KIRREL3: variants seen among roughly 807,000 people sequenced by gnomAD.
The protein encoded by KIRREL3 is kirre like nephrin family adhesion molecule 3, also known as kin of IRRE-like protein 3.
Under a neutral mutation model 89.7 loss-of-function variants are expected in KIRREL3, and 36 were observed. The ratio of observed to expected loss-of-function variants is 0.40; its 90% CI spans 0.31 to 0.53. KIRREL3 has a LOEUF of 0.53. Ranked by LOEUF, KIRREL3 falls within the 20% of genes least tolerant of loss-of-function variation. The pLI, the probability that KIRREL3 is intolerant of heterozygous loss-of-function variation, is 0.49. For missense variants in KIRREL3, 864 were observed against 1,056.6 expected, an observed-to-expected ratio of 0.82 and a Z score of 2.53; for synonymous variants, 445 against 441.4, an observed-to-expected ratio of 1.01 and a Z score of -0.10.
Position 126,876,595 on chromosome 11 carries a change from C to A in KIRREL3, c.55+123860G>T, listed in dbSNP as rs138557206. ...CTCTGTCACCCAGGCTGGAGTGCAG[C>A]GGTGCGACCTTGGCCCACTGCAACC... On this transcript the variant is annotated intron_variant, in intron 1 of 16. Transcript: ENST00000525144. The surrounding 1 kb of genome is among the most constrained non-coding windows in gnomAD (Gnocchi z 4.1). 6.7e-6 allele frequency among the ~76,000 whole-genome samples: 1 copy of A among 149,252 alleles called. No homozygotes were observed. Among genetic ancestry groups the A allele is most frequent in the Non-Finnish European group, 1.5e-5 (1 of 67,704 alleles).
chr11:126,935,908 C>T (rs1394467566), intron 1 of KIRREL3: 2 of 152,048 alleles, frequency 1.3e-5, no homozygotes, highest in African/African-American at 4.8e-5. Flanking sequence ...AATGGAGGTC[C>T]ATCAGTTGTA....
At position 126,587,567 on chromosome 11, in the gene KIRREL3, C is replaced by G. The variant is rs1186118205; in HGVS notation, c.56-24655G>C. On this transcript the variant is annotated intron_variant, in intron 1 of 16. Coordinates refer to ENST00000525144, the MANE Select transcript of KIRREL3 (RefSeq NM_032531.4). The surrounding 1 kb of genome is among the most constrained non-coding windows in gnomAD (Gnocchi z 5.2). ...CTTTCATTGTATGTGGAAGAGGAGC[C>G]AGAAATGCACCCAAACTGAAAGAGG... Among the ~76,000 whole-genome samples, 1 of 152,170 alleles carries G rather than the reference C, an allele frequency of 6.6e-6. No homozygotes were observed. Among genetic ancestry groups the G allele is most frequent in the Non-Finnish European group, 1.5e-5 (1 of 68,046 alleles).
intron 1 of KIRREL3, among the ~76,000 whole-genome samples, chr11:126,671,308 T>G (rs1591926933): frequency 6.7e-6 from 1 of 149,484 alleles, no homozygotes; most frequent in Admixed American, 6.7e-5. Flanking sequence ...GCTCAAAAAA[T>G]CCCCCTGCCT....
chr11:126,820,935 C>T (rs75274493), intron 1 of KIRREL3, among the ~76,000 whole-genome samples: 104 of 152,142 alleles, frequency 6.8e-4, no homozygotes, highest in African/African-American at 2.4e-3. Context: ...ACCTGGCGTG[C>T]CCCCAAGGTG....
Position 126,997,913 on chromosome 11 carries a change from C to G in KIRREL3, c.55+2542G>C, listed in dbSNP as rs953898345. ...TGTTGTCTCTGAGGGAAAGGCCATCCCCTGGGTCTCTTCACATTTCCTGGG... is the reference window on the plus strand; with the variant it reads ...TGTTGTCTCTGAGGGAAAGGCCATCGCCTGGGTCTCTTCACATTTCCTGGG... On this transcript the variant is annotated intron_variant, in intron 1 of 16. Coordinates refer to ENST00000525144, the MANE Select transcript of KIRREL3 (RefSeq NM_032531.4). The surrounding 1 kb of genome is among the most constrained non-coding windows in gnomAD (Gnocchi z 4.3). Among the ~76,000 whole-genome samples the G allele has an allele frequency of 6.6e-6, 1 of 152,098 alleles. No individual in the cohort carries two copies. The highest frequency in any genetic ancestry group is 1.5e-5 in the Non-Finnish European group (1 of 68,022).
chr11:126,559,908 C>T lies in KIRREL3; in HGVS notation c.133+2927G>A, dbSNP rs145362840. Among the ~76,000 whole-genome samples the T allele has an allele frequency of 2.8e-3, 426 of 152,166 alleles. 1 individual carries two copies. The highest frequency in any genetic ancestry group is 4.9e-3 in the Non-Finnish European group (333 of 68,000). ...ATGTTGGCCAGGCTGGTCTTGAACT[C>T]CTGACCTCAAGTGATCTGCCTGCCT... On this transcript the variant is annotated intron_variant, in intron 2 of 16. Coordinates refer to ENST00000525144, the MANE Select transcript of KIRREL3 (RefSeq NM_032531.4).
chr11:126,713,405 G>A (rs540381845), intron 1 of KIRREL3, among the ~76,000 whole-genome samples: 3 of 152,316 alleles, frequency 2.0e-5, no homozygotes, highest in Non-Finnish European at 2.9e-5. Context: ...GATGTGAAGC[G>A]CCTTTTATGC....
intron 1 of KIRREL3, among the ~76,000 whole-genome samples, chr11:126,781,869 A>T (rs1950336863): frequency 1.3e-5 from 2 of 152,198 alleles, no homozygotes; most frequent in African/African-American, 4.8e-5. Flanking sequence ...GGGGCCACTT[A>T]TACGATAGAT....
rs549829289 is a variant in KIRREL3, at chr11:126,477,337, G to A, written c.434-3871C>T. 6.6e-6 allele frequency among the ~76,000 whole-genome samples: 1 copy of A among 152,294 alleles called. No individual in the cohort carries two copies. The highest frequency in any genetic ancestry group is 2.1e-4 in the South Asian group (1 of 4,818). The stretch of plus-strand genomic sequence containing the variant: ...CAGACTTTGCCTTGTTTGGGTGGGC[G>A]GTGGGGGTACCCGTCCCTTTCCCTG... On this transcript the variant is annotated intron_variant, in intron 4 of 16. Transcript: ENST00000525144. The surrounding 1 kb of genome is among the most constrained non-coding windows in gnomAD (Gnocchi z 4.8).
chr11:126,424,672 C>T lies in KIRREL3; in HGVS notation c.2245G>A (p.Ala749Thr), dbSNP rs548924954. 6.2e-7 allele frequency: 1 copy of T among 1,614,042 alleles called. No homozygotes were observed. Among genetic ancestry groups the T allele is most frequent in the Non-Finnish European group, 8.5e-7 (1 of 1,179,890 alleles). ...GAGTGGTGGGAGGAGGAAGCAGAAG[C>T]CTTGCTGGCCTTGTCGAACTGCACA... ...GYVQFDKASK[A>T]SASSSHHSQS... The change falls in exon 17 of 17, where the codon GCT becomes ACT. Residue 749 changes from alanine to threonine, a missense_variant. Transcript: ENST00000525144.
chr11:126,770,275 G>A (rs1949978312), intron 1 of KIRREL3, among the ~76,000 whole-genome samples: 1 of 152,148 alleles, frequency 6.6e-6, no homozygotes, highest in Non-Finnish European at 1.5e-5. Context: ...ATGCCTGAGA[G>A]AGATCATAAA....
In KIRREL3 at chr11:126,424,889, G is replaced by A. The variant is rs777301369; in HGVS notation, c.2028C>T (p.Thr676=). Residue 676 remains threonine (T), a synonymous_variant, in exon 17 of 17, where the codon ACC becomes ACT. Coordinates refer to ENST00000525144, the MANE Select transcript of KIRREL3 (RefSeq NM_032531.4). ...GGCCGCTCAGGGTGCTGTAGATGTT[G>A]GTGAAGGACATGCCTGTGGGCACAC... The part of the protein sequence containing the change: ...KQRVPTGMSF[T]NIYSTLSGQG... 4 of 1,612,238 alleles carry A rather than the reference G, an allele frequency of 2.5e-6. No individual in the cohort carries two copies. The South Asian group carries it at 3.3e-5, about 13-fold the overall frequency.
intron 1 of KIRREL3, among the ~76,000 whole-genome samples, chr11:126,919,663 T>G (rs1475312239): frequency 6.6e-6 from 1 of 152,190 alleles, no homozygotes; most frequent in Admixed American, 6.5e-5. Context: ...GTGCAGAAGC[T>G]CTTGAACTCA....
rs949853715 is a variant in KIRREL3 at position 126,568,664 on chromosome 11, A to G, written c.56-5752T>C. 6.6e-6 allele frequency among the ~76,000 whole-genome samples: 1 copy of G among 152,168 alleles called. No homozygotes were observed. The highest frequency in any genetic ancestry group is 1.5e-5 in the Non-Finnish European group (1 of 68,030). On this transcript the variant is annotated intron_variant, in intron 1 of 16. Coordinates refer to ENST00000525144, the MANE Select transcript of KIRREL3 (RefSeq NM_032531.4). This position sits in a 1 kb window ranked among gnomAD's most constrained non-coding sequence, Gnocchi z 4.6. ...AGTGAGCAACTCTTAGGCTTCTCTG[A>G]GCTTTGGTTTCCTCATTTATAAAAC...
chr11:126,590,683 G>A (rs998422791), intron 1 of KIRREL3, among the ~76,000 whole-genome samples: 1 of 152,222 alleles, frequency 6.6e-6, no homozygotes, highest in Non-Finnish European at 1.5e-5. Context: ...GAGAGTGATG[G>A]AGGGTGTAAT....
Position 126,788,171 on chromosome 11 carries a change from G to A in KIRREL3, c.55+212284C>T, listed in dbSNP as rs547371615. Among the ~76,000 whole-genome samples the A allele has an allele frequency of 7.8e-4, 119 of 152,328 alleles. 1 individual carries two copies. Among genetic ancestry groups the A allele is most frequent in the South Asian group, 3.1e-3 (15 of 4,828 alleles). On this transcript the variant is annotated intron_variant, in intron 1 of 16. Coordinates refer to ENST00000525144, the MANE Select transcript of KIRREL3 (RefSeq NM_032531.4). The surrounding 1 kb of genome is among the most constrained non-coding windows in gnomAD (Gnocchi z 4.1). ...GTGTGCAAAAAGAGTGGGTGATGGA[G>A]TTGGGCTTGGGACAAATGCACAATC... is the stretch of plus-strand genomic sequence containing the variant.
In KIRREL3 at chr11:126,898,467, T is replaced by C. The variant is rs1303736101; in HGVS notation, c.55+101988A>G. On this transcript the variant is annotated intron_variant, in intron 1 of 16. Transcript: ENST00000525144. The surrounding 1 kb of genome is among the most constrained non-coding windows in gnomAD (Gnocchi z 4.9). The stretch of plus-strand genomic sequence containing the variant: ...TGGGAAATTAGAAGAAACCTGGAGA[T>C]GCAACAAAACAGAATGGATAATGAA... Among the ~76,000 whole-genome samples the C allele has an allele frequency of 6.6e-6, 1 of 152,146 alleles. No homozygotes were observed. The highest frequency in any genetic ancestry group is 1.5e-5 in the Non-Finnish European group (1 of 68,032).
intron 1 of KIRREL3, among the ~76,000 whole-genome samples, chr11:126,855,210 A>G (rs11606536): frequency 0.01 from 1,534 of 152,254 alleles, 16 homozygotes; most frequent in Non-Finnish European, 0.015. Context: ...GTAATCCCCT[A>G]TGTTGAAGGA....
At position 126,569,336 on chromosome 11, in the gene KIRREL3, T is replaced by G. The variant is rs1010035679; in HGVS notation, c.56-6424A>C. ...GAAGAAATATTTTTAACCAGTTGCG[T>G]TGACCTCAGAGGGTAAACATTTTGT... On this transcript the variant is annotated intron_variant, in intron 1 of 16. Coordinates refer to ENST00000525144, the MANE Select transcript of KIRREL3 (RefSeq NM_032531.4). This position sits in a 1 kb window ranked among gnomAD's most constrained non-coding sequence, Gnocchi z 6.5. 6.6e-6 allele frequency among the ~76,000 whole-genome samples: 1 copy of G among 152,204 alleles called. No individual in the cohort carries two copies. Among genetic ancestry groups the G allele is most frequent in the Non-Finnish European group, 1.5e-5 (1 of 68,036 alleles).
Sources: gnomAD v4.1 joint callset for allele counts (sites outside exome capture counted in the v4.1 genomes callset) on GRCh38, gnomAD v4.1.1 for gene constraint, Gnocchi (gnomAD v3.1) non-coding constraint, MANE v1.5 for transcripts, NCBI Gene and HGNC (gene_info 2026-07-23, HGNC 2026-07-21) for gene names.